The following SCNN1B variants were observed in gnomAD, a reference collection of about 807,000 sequenced individuals.
SCNN1B encodes epithelial sodium channel subunit beta.
A neutral mutation model predicts 65.3 loss-of-function variants in SCNN1B; 46 were observed. That is an observed-to-expected ratio of 0.70 (90% CI 0.56 to 0.90). The LOEUF (loss-of-function observed/expected upper bound fraction) is 0.90. Among genes scored for constraint, SCNN1B ranks in the 40% least tolerant of loss-of-function variants. The pLI is 0.00. For synonymous variants in SCNN1B, 349 were observed against 330.6 expected, an observed-to-expected ratio of 1.06 and a Z score of -0.60; for missense variants, 751 against 830.5, an observed-to-expected ratio of 0.90 and a Z score of 1.18.
chr16:23,343,535 G>A (rs186283878), intron 1 of SCNN1B, among the ~76,000 whole-genome samples: 1 of 134,228 alleles, frequency 7.5e-6, no homozygotes, highest in East Asian at 2.1e-4. Flanking sequence ...GAAGAAAGAG[G>A]GAGGGAGGGA....
intron 1 of SCNN1B, among the ~76,000 whole-genome samples, chr16:23,334,571 A>G (rs907485503): frequency 6.6e-6 from 1 of 152,232 alleles, no homozygotes; most frequent in African/African-American, 2.4e-5. Context: ...GGACTGCCCT[A>G]GTCCTGCCTT....
intron 1 of SCNN1B, among the ~76,000 whole-genome samples, chr16:23,333,025 C>T (rs1051865106): frequency 6.6e-6 from 1 of 151,284 alleles, no homozygotes; most frequent in African/African-American, 2.4e-5. Context: ...GAGCCAAAAT[C>T]GCCCCATTGC....
intron 2 of SCNN1B, among the ~76,000 whole-genome samples, chr16:23,286,241 C>T (rs1481315362): frequency 6.6e-6 from 1 of 152,200 alleles, no homozygotes; most frequent in Non-Finnish European, 1.5e-5. Flanking sequence ...AGCATTAGAA[C>T]TTTGCAACTC....
Position 23,348,649 on chromosome 16 carries a change from G to T in SCNN1B, c.50G>T (p.Gly17Val), listed in dbSNP as rs1416193617. 6.2e-7 allele frequency: 1 copy of T among 1,613,608 alleles called. No individual in the cohort carries two copies. Among genetic ancestry groups the T allele is most frequent in the Non-Finnish European group, 8.5e-7 (1 of 1,179,972 alleles). The stretch of plus-strand genomic sequence containing the variant: ...AAGGGCCTGCATCGGCTGCAGAAGG[G>T]CCCCGGCTACACGTACAAGGAGCTG... The part of the protein sequence containing the change: ...LLKGLHRLQK[G>V]PGYTYKELLV... Residue 17 changes from glycine to valine, a missense_variant, in exon 2 of 13, where the codon GGC becomes GTC. Physicochemically the swap from Gly to Val is moderately radical, Grantham distance 109. Coordinates refer to ENST00000343070, the MANE Select transcript of SCNN1B (RefSeq NM_000336.3). The surrounding 1 kb of genome is among the most constrained non-coding windows in gnomAD (Gnocchi z 4.5).
intron 1 of SCNN1B, among the ~76,000 whole-genome samples, chr16:23,281,301 C>T (rs1194709749): frequency 6.6e-6 from 1 of 152,126 alleles, no homozygotes; most frequent in Non-Finnish European, 1.5e-5. Flanking sequence ...GGCGTAGTGG[C>T]TGGCACCTGT....
chr16:23,380,662 C>T lies in SCNN1B; in HGVS notation c.1784C>T (p.Ala595Val), dbSNP rs926712911. The change falls in exon 13 of 13, where the codon GCC becomes GTC. Residue 595 changes from alanine (A) to valine (V), a missense_variant. Coordinates refer to ENST00000343070, the MANE Select transcript of SCNN1B (RefSeq NM_000336.3). This position sits in a 1 kb window ranked among gnomAD's most constrained non-coding sequence, Gnocchi z 5.4. The stretch of plus-strand genomic sequence containing the variant: ...AACTTTGGCTTCCAGCCTGACACGG[C>T]CCCCCGCAGCCCCAACACTGGGCCC... ...HTNFGFQPDT[A>V]PRSPNTGPYP... 5 of 1,612,132 alleles carry T rather than the reference C, an allele frequency of 3.1e-6. No homozygotes were observed. Among genetic ancestry groups the T allele is most frequent in the South Asian group, 2.2e-5 (2 of 91,010 alleles).
Position 23,377,744 on chromosome 16 carries a change from T to C in SCNN1B, c.1404+358T>C, listed in dbSNP as rs1962942570. On this transcript the variant is annotated intron_variant, in intron 10 of 12. Coordinates refer to ENST00000343070, the MANE Select transcript of SCNN1B (RefSeq NM_000336.3). ...CTTCTCCCTCCCTCCCCACTTCTGT[T>C]TCCTTCTTTCTTTCCTTCCTTCCTC... is the stretch of plus-strand genomic sequence containing the variant. Among the ~76,000 whole-genome samples, 5 of 133,776 alleles carry C rather than the reference T, an allele frequency of 3.7e-5. No homozygotes were observed. In the Admixed American group the frequency reaches 3.8e-4, roughly 10 times the overall value. 87.8% of individuals were successfully genotyped at this position (133,776 alleles called of 152,430 possible). A position where few individuals can be genotyped will look rare whatever the true frequency, so the allele number is the denominator to read the frequency against.
chr16:23,281,136 G>T (rs1960778044), intron 1 of SCNN1B, among the ~76,000 whole-genome samples: 2 of 152,168 alleles, frequency 1.3e-5, no homozygotes, highest in Admixed American at 1.3e-4. Flanking sequence ...ATTCCATAAA[G>T]ATTTTTATTA....
intron 4 of SCNN1B, among the ~76,000 whole-genome samples, chr16:23,360,499 A>C (rs535651952): frequency 1.3e-5 from 2 of 152,062 alleles, no homozygotes; most frequent in African/African-American, 4.8e-5. Flanking sequence ...CAGTGAACCA[A>C]GATCACACCA....
upstream of SCNN1B, among the ~76,000 whole-genome samples, chr16:23,297,831 G>A (rs1182502787): frequency 1.3e-5 from 2 of 152,164 alleles, no homozygotes; most frequent in Admixed American, 6.5e-5. Context: ...CAGATGAGGG[G>A]TGAAAAAGGA....
At chr16:23,295,280 G>A (rs574170516) in intron 2 of SCNN1B, among the ~76,000 whole-genome samples, 1 of 152,072 alleles carries the variant, frequency 6.6e-6, no homozygotes, top group East Asian at 1.9e-4. Context: ...GTGCAGTGGT[G>A]TGATCATAAC....
intron 1 of SCNN1B, among the ~76,000 whole-genome samples, chr16:23,280,465 T>C (rs963913688): frequency 3.3e-4 from 50 of 152,242 alleles, no homozygotes; most frequent in Admixed American, 1.5e-3. Context: ...GCAATCCACC[T>C]GCCTTGGCCT....
intron 1 of SCNN1B, among the ~76,000 whole-genome samples, chr16:23,303,520 C>T (rs1282842966): frequency 6.6e-6 from 1 of 152,126 alleles, no homozygotes; most frequent in African/African-American, 2.4e-5. Flanking sequence ...TCCCAGCTCC[C>T]CAAAGGTAAA....
Position 23,351,399 on chromosome 16 carries a change from C to T in SCNN1B, c.312-1402C>T, listed in dbSNP as rs112867347. ...GGCATGCCAGGATTCAAACCTGGAG[C>T]CCATACAGTGACCCATCAAGCTTCC... On this transcript the variant is annotated intron_variant, in intron 2 of 12. Coordinates refer to ENST00000343070, the MANE Select transcript of SCNN1B (RefSeq NM_000336.3). Among the ~76,000 whole-genome samples, 362 of 152,262 alleles carry T rather than the reference C, an allele frequency of 2.4e-3. 4 individuals are homozygous for T. The highest frequency in any genetic ancestry group is 8.4e-3 in the African/African-American group (349 of 41,542).
chr16:23,367,994 AG>A, intron 5 of SCNN1B, 35 bp downstream of exon 5: 1 of 1,492,498 alleles, frequency 6.7e-7, no homozygotes, highest in Non-Finnish European at 9.4e-7. Context: ...CAGAGCCATG[AG>A]GCTTTAACCA....
intron 1 of SCNN1B, among the ~76,000 whole-genome samples, chr16:23,316,596 C>CCATCACCACCATCACCAT (rs1567294608): frequency 7.2e-6 from 1 of 138,158 alleles, no homozygotes; most frequent in Admixed American, 6.8e-5. Flanking sequence ...ATCTTCACCA[C>CCATCACCACCATCACCAT]CATCACCATC....
At chr16:23,377,607 CTTCTTTCTT>C (rs1962934669) in intron 10 of SCNN1B, among the ~76,000 whole-genome samples, 1 of 113,264 alleles carries the variant, frequency 8.8e-6, no homozygotes, top group African/African-American at 3.6e-5. Context: ...TCCTTCCTTC[CTTCTTTCTT>C]CCTTCCTTCA....
Position 23,355,385 on chromosome 16 carries a change from C to T in SCNN1B, c.672C>T (p.Thr224=), listed in dbSNP as rs370430705. The change falls in exon 4 of 13, where the codon ACC becomes ACT. Residue 224 remains threonine, a synonymous_variant. Transcript: ENST00000343070. ...CAGAGTGGTACATCCTGCAGGCCAC[C>T]AACATCTTTGCACAGGTGCCACAGC... ...ALTEWYILQA[T]NIFAQVPQQE... The T allele has an allele frequency of 2.2e-5, 35 of 1,614,034 alleles. No individual in the cohort carries two copies. Among genetic ancestry groups the T allele is most frequent in the Non-Finnish European group, 2.7e-5 (32 of 1,180,036 alleles).
At chr16:23,371,702 T>A in intron 6 of SCNN1B, 74 bp from the exon 7 acceptor site, 1 of 1,292,382 alleles carries the variant, frequency 7.7e-7, no homozygotes, top group Non-Finnish European at 1.1e-6. Context: ...CCCCAAATGC[T>A]TGATAGAAGG....
Sources: allele counts gnomAD v4.1 joint callset (sites outside exome capture counted in the v4.1 genomes callset), GRCh38; gene constraint gnomAD v4.1.1; non-coding constraint Gnocchi (gnomAD v3.1); transcripts MANE v1.5; gene names NCBI Gene and HGNC (gene_info 2026-07-23, HGNC 2026-07-21).